CUBN: variants seen among roughly 807,000 people sequenced by gnomAD.
CUBN encodes 460 kDa receptor.
In CUBN, 282 loss-of-function variants were observed where a neutral mutation model predicts 405.3. The observed-to-expected ratio is 0.70, with a 90% CI of 0.63 to 0.77. CUBN has a LOEUF of 0.77. CUBN is among the 30% of genes least tolerant of loss of function. The pLI is 0.00. For missense variants in CUBN, 4,514 were observed against 4,475.2 expected, an observed-to-expected ratio of 1.01 and a Z score of -0.25; for synonymous variants, 1,684 against 1,617.0, an observed-to-expected ratio of 1.04 and a Z score of -0.99.
intron 17 of CUBN, among the ~76,000 whole-genome samples, chr10:17,078,613 C>T (rs565287041): frequency 6.6e-5 from 10 of 152,296 alleles, no homozygotes; most frequent in Admixed American, 1.3e-4. Flanking sequence ...CATTCCCTAG[C>T]ATGGTGACTG....
chr10:17,129,428 C>G (rs1388368332), intron 1 of CUBN, among the ~76,000 whole-genome samples, 178 bp from the exon 2 acceptor site: 1 of 152,234 alleles, frequency 6.6e-6, no homozygotes, highest in Non-Finnish European at 1.5e-5. Flanking sequence ...TCAGAGATAC[C>G]TCCTGGCAAT....
chr10:16,965,797 C>A, intron 31 of CUBN: 1 of 287,928 alleles, frequency 3.5e-6, no homozygotes, highest in South Asian at 3.0e-5. Context: ...AAATACTTAT[C>A]TGAACCAGAC....
chr10:16,898,948 T>C (rs1841275730), intron 54 of CUBN, 48 bp downstream of exon 54: 1 of 1,336,548 alleles, frequency 7.5e-7, no homozygotes, highest in African/African-American at 1.4e-5. Context: ...TAAACACTAA[T>C]GTTCACAAAA....
chr10:16,954,282 A>G, intron 32 of CUBN, 107 bp downstream of exon 32: 5 of 1,259,162 alleles, frequency 4.0e-6, no homozygotes, highest in Non-Finnish European at 5.8e-6. Context: ...TTACATGTTA[A>G]GTAGAAGGCT....
At chr10:16,929,763 A>C (rs959232739) in intron 40 of CUBN, among the ~76,000 whole-genome samples, 2 of 152,072 alleles carry the variant, frequency 1.3e-5, no homozygotes, top group African/African-American at 4.8e-5. Context: ...ACCCAATATT[A>C]TTTTTTGTTG....
chr10:17,072,914 TAA>T (rs1835772877), intron 17 of CUBN, among the ~76,000 whole-genome samples: 2 of 152,164 alleles, frequency 1.3e-5, no homozygotes, highest in East Asian at 3.9e-4. Context: ...TGAACAGACA[TAA>T]GTCATAAATA....
intron 54 of CUBN, among the ~76,000 whole-genome samples, chr10:16,892,528 C>G (rs1841063497): frequency 4.6e-5 from 7 of 152,008 alleles, no homozygotes; most frequent in Admixed American, 4.6e-4. Flanking sequence ...CAGTCTCACT[C>G]TCACTCAGGC....
rs140228746 is a variant in CUBN, at chr10:16,886,072, A to G, written c.8905+2345T>C. Reference sequence around the variant, plus strand: ...CCTCAAGCCTTCATATATCATGGGCATCTTTTTATGGTACTGGGATTTTGG... The same window carrying G: ...CCTCAAGCCTTCATATATCATGGGCGTCTTTTTATGGTACTGGGATTTTGG... On this transcript the variant is annotated intron_variant, in intron 56 of 66. Transcript: ENST00000377833. Among the ~76,000 whole-genome samples the G allele has an allele frequency of 2.8e-3, 430 of 152,346 alleles. 1 individual carries two copies. Among genetic ancestry groups the G allele is most frequent in the African/African-American group, 9.6e-3 (397 of 41,570 alleles).
intron 56 of CUBN, among the ~76,000 whole-genome samples, chr10:16,881,374 T>C (rs1840661859): frequency 6.6e-6 from 1 of 152,204 alleles, no homozygotes. Context: ...TGACAAATAG[T>C]TGATTAAAGG....
At chr10:16,888,350 T>G in intron 56 of CUBN, 67 bp downstream of exon 56, 3 of 1,274,226 alleles carry the variant, frequency 2.4e-6, no homozygotes, top group African/African-American at 1.5e-5. Context: ...CAAAACATGT[T>G]GTACACCATA....
At chr10:16,848,777 C>T (rs1193725731) in intron 60 of CUBN, among the ~76,000 whole-genome samples, 3 of 133,464 alleles carry the variant, frequency 2.2e-5, no homozygotes, top group Admixed American at 1.8e-4. Flanking sequence ...TCACGACTGA[C>T]TGCAGCTTAT....
At chr10:16,900,602 A>G (rs777783342) in intron 53 of CUBN, 23 bp downstream of exon 53, 144 of 1,554,464 alleles carry the variant, frequency 9.3e-5, no homozygotes, top group Middle Eastern at 8.4e-4. Context: ...AAGAAAATCA[A>G]ATGGAGCAAA....
chr10:16,908,922 C>A (rs113795872), intron 48 of CUBN, among the ~76,000 whole-genome samples: 11,062 of 136,436 alleles, frequency 0.081, 495 homozygotes, highest in Middle Eastern at 0.16. Context: ...GTCGCCCAGG[C>A]GGGACTGCGG....
At chr10:16,862,024 G>C (rs766916204) in intron 59 of CUBN, among the ~76,000 whole-genome samples, 2 of 151,908 alleles carry the variant, frequency 1.3e-5, no homozygotes, top group Admixed American at 1.3e-4. Flanking sequence ...TTGCATGCGC[G>C]GGTAATCCCA....
chr10:16,866,537 C>A (rs1840189261), intron 59 of CUBN, among the ~76,000 whole-genome samples: 1 of 152,220 alleles, frequency 6.6e-6, no homozygotes, highest in Non-Finnish European at 1.5e-5. Context: ...GCCAAATCCA[C>A]AGAACCAACA....
chr10:16,954,672 T>A, intron 31 of CUBN, 124 bp from the exon 32 acceptor site: 1 of 1,044,944 alleles, frequency 9.6e-7, no homozygotes, highest in Non-Finnish European at 1.4e-6. Context: ...CTAGGGAAAC[T>A]GGCTTTATTG....
Position 16,904,117 on chromosome 10 carries a change from T to G in CUBN, c.7913-2A>C. 1 of 1,613,642 alleles carries G rather than the reference T, an allele frequency of 6.2e-7. No individual in the cohort carries two copies. The highest frequency in any genetic ancestry group is 8.5e-7 in the Non-Finnish European group (1 of 1,179,616). ...ACATCAGGGGCCCATCAGCATCACC[T>G]GAACAAAATAATATACCAAGTGCCA... On this transcript the variant is annotated splice_acceptor_variant, in intron 50 of 66. Coordinates refer to ENST00000377833, the MANE Select transcript of CUBN (RefSeq NM_001081.4). LOFTEE classifies it high-confidence loss of function.
intron 27 of CUBN, among the ~76,000 whole-genome samples, chr10:17,030,753 T>G (rs1431913885): frequency 1.3e-5 from 2 of 152,064 alleles, no homozygotes; most frequent in African/African-American, 4.8e-5. Flanking sequence ...ACCCCATTTC[T>G]ACTAAAAATA....
chr10:16,946,652 C>T (rs932293551), intron 36 of CUBN, among the ~76,000 whole-genome samples: 1 of 151,998 alleles, frequency 6.6e-6, no homozygotes, highest in Non-Finnish European at 1.5e-5. Flanking sequence ...CCCGCCACCA[C>T]TCCTGGCTAA....
Sources: allele counts gnomAD v4.1 joint callset (sites outside exome capture counted in the v4.1 genomes callset), GRCh38; gene constraint gnomAD v4.1.1; transcripts MANE v1.5; gene names NCBI Gene and HGNC (gene_info 2026-07-23, HGNC 2026-07-21).